NRG1: variants seen among roughly 807,000 people sequenced by gnomAD.
The protein encoded by NRG1 is pro-neuregulin-1, membrane-bound isoform.
NRG1 carries 18 observed loss-of-function variants against 63.8 expected under a neutral mutation model. The observed-to-expected ratio is 0.28, with a 90% CI of 0.19 to 0.42. NRG1 has a LOEUF of 0.42. Ranked by LOEUF, NRG1 falls within the 10% of genes least tolerant of loss-of-function variation. The pLI is 1.00. For synonymous variants in NRG1, 302 were observed against 301.3 expected (o/e 1.00, Z -0.02); for missense variants, 762 against 814.7 (o/e 0.94, Z 0.79).
At chr8:31,770,989 T>C (rs1211887018) in intron 1 of NRG1, among the ~76,000 whole-genome samples, 3 of 152,026 alleles carry the variant, frequency 2.0e-5, no homozygotes, top group Non-Finnish European at 4.4e-5. Flanking sequence ...CCATAGATCT[T>C]TTCCAGATTT....
intron 1 of NRG1, among the ~76,000 whole-genome samples, chr8:32,235,778 G>C (rs938738692): frequency 1.3e-5 from 2 of 152,138 alleles, no homozygotes; most frequent in Admixed American, 1.3e-4. Context: ...TTTGGTTCTA[G>C]GAGTTTGGCT....
chr8:31,892,458 T>C (rs1831229821), intron 1 of NRG1, among the ~76,000 whole-genome samples: 1 of 152,150 alleles, frequency 6.6e-6, no homozygotes, highest in East Asian at 1.9e-4. Flanking sequence ...AATTGGTATC[T>C]GTGTACACAC....
At chr8:32,654,637 A>T (rs1222317140) in intron 5 of NRG1, among the ~76,000 whole-genome samples, 1 of 74,190 alleles carries the variant, frequency 1.3e-5, no homozygotes, top group Non-Finnish European at 3.2e-5. Flanking sequence ...TCAAAAAAAA[A>T]ATAATTTTAC....
intron 1 of NRG1, among the ~76,000 whole-genome samples, chr8:32,062,181 A>G (rs771518404): frequency 2.0e-5 from 3 of 152,032 alleles, no homozygotes; most frequent in Non-Finnish European, 4.4e-5. Context: ...GAGTTCACTC[A>G]TGCATCTGTC....
Position 31,697,802 on chromosome 8 carries a change from G to T in NRG1, c.37+58371G>T, listed in dbSNP as rs574226018. 1.6e-4 allele frequency among the ~76,000 whole-genome samples: 24 copies of T among 152,044 alleles called. No homozygotes were observed. In the South Asian group the frequency reaches 5.0e-3, roughly 32 times the overall value. On this transcript the variant is annotated intron_variant, in intron 1 of 10. Coordinates refer to the NRG1 transcript ENST00000519301. ...GTAATTTATGTGGACTCTAAACATT[G>T]CTGTAAAGTACTGCTGGAGAAATAC...
intron 1 of NRG1, among the ~76,000 whole-genome samples, chr8:31,777,035 G>A (rs181644819): frequency 1.4e-4 from 22 of 152,114 alleles, no homozygotes; most frequent in Admixed American, 9.8e-4. Flanking sequence ...TGTTTATTGT[G>A]GCACTATTCA....
intron 1 of NRG1, among the ~76,000 whole-genome samples, chr8:32,178,232 G>T (rs1237823946): frequency 6.6e-6 from 1 of 152,176 alleles, no homozygotes; most frequent in African/African-American, 2.4e-5. Context: ...TCAGAGATCA[G>T]TTAATAGTCT....
At chr8:32,627,265 T>G (rs1434182114) in intron 5 of NRG1, among the ~76,000 whole-genome samples, 1 of 152,142 alleles carries the variant, frequency 6.6e-6, no homozygotes, top group Non-Finnish European at 1.5e-5. Context: ...TAATTTACAC[T>G]AAATAGCATT....
chr8:32,219,567 T>A (rs1276635442), intron 1 of NRG1, among the ~76,000 whole-genome samples: 3 of 152,218 alleles, frequency 2.0e-5, no homozygotes, highest in Non-Finnish European at 2.9e-5. Flanking sequence ...TACAAACGTC[T>A]ATTTTCCTGC....
chr8:31,993,497 G>A (rs1394224570), intron 1 of NRG1, among the ~76,000 whole-genome samples: 1 of 151,958 alleles, frequency 6.6e-6, no homozygotes, highest in Non-Finnish European at 1.5e-5. Flanking sequence ...CTCCTGGTAA[G>A]TAAATAAGTC....
chr8:31,829,905 G>T (rs536728291), intron 1 of NRG1, among the ~76,000 whole-genome samples: 2 of 152,310 alleles, frequency 1.3e-5, no homozygotes, highest in South Asian at 4.1e-4. Context: ...GCCATAGATA[G>T]ATATTTTCTA....
At chr8:31,681,989 CTGCTCTTAGTGCTG>C (rs1314987757) in intron 1 of NRG1, among the ~76,000 whole-genome samples, 1 of 152,092 alleles carries the variant, frequency 6.6e-6, no homozygotes, top group Non-Finnish European at 1.5e-5. Flanking sequence ...ACATTAGGGT[CTGCTCTTAGTGCTG>C]TGCATTCTGT....
intron 1 of NRG1, among the ~76,000 whole-genome samples, chr8:32,271,496 C>T (rs1033844119): frequency 7.2e-5 from 11 of 151,956 alleles, no homozygotes. Flanking sequence ...ACTCCTTTTT[C>T]TTCTATATAA....
chr8:32,633,369 T>C (rs980952060), intron 5 of NRG1, among the ~76,000 whole-genome samples: 4 of 152,212 alleles, frequency 2.6e-5, no homozygotes, highest in Non-Finnish European at 4.4e-5. Context: ...AGATTATGTT[T>C]TTCTGCTTGT....
chr8:32,433,291 G>A (rs1268033788), intron 1 of NRG1, among the ~76,000 whole-genome samples: 5 of 152,080 alleles, frequency 3.3e-5, no homozygotes, highest in African/African-American at 4.8e-5. Context: ...AACTCACTTC[G>A]ACACCCTCCA....
chr8:31,673,875 T>C (rs1330232858), intron 1 of NRG1, among the ~76,000 whole-genome samples: 2 of 123,660 alleles, frequency 1.6e-5, no homozygotes, highest in Non-Finnish European at 3.9e-5. Flanking sequence ...ATCTGTAAAT[T>C]TAGAGTTGTA....
chr8:32,695,615 C>T (rs1813085136), intron 5 of NRG1, among the ~76,000 whole-genome samples: 1 of 152,260 alleles, frequency 6.6e-6, no homozygotes, highest in East Asian at 1.9e-4. Context: ...GAAAAGCACA[C>T]GTTGTTTGAC....
chr8:32,008,966 C>T (rs1187311943), intron 1 of NRG1, among the ~76,000 whole-genome samples: 1 of 152,064 alleles, frequency 6.6e-6, no homozygotes, highest in Non-Finnish European at 1.5e-5. Context: ...TATATCCAAA[C>T]ATCCAGAAGG....
chr8:31,764,524 C>T (rs528634950), intron 1 of NRG1, among the ~76,000 whole-genome samples: 8 of 152,222 alleles, frequency 5.3e-5, no homozygotes, highest in Middle Eastern at 3.4e-3. Context: ...ATTCCTCCCA[C>T]TTCATAATTA....
Sources: gnomAD v4.1 joint callset for allele counts (sites outside exome capture counted in the v4.1 genomes callset) on GRCh38, gnomAD v4.1.1 for gene constraint, MANE v1.5 for transcripts, NCBI Gene and HGNC (gene_info 2026-07-23, HGNC 2026-07-21) for gene names.